BMP7: variants seen among roughly 807,000 people sequenced by gnomAD.
BMP7 encodes the protein bone morphogenetic protein 7.
Under a neutral mutation model 41.2 loss-of-function variants are expected in BMP7, and 12 were observed. That is an observed-to-expected ratio of 0.29 (90% CI 0.19 to 0.47). The LOEUF (loss-of-function observed/expected upper bound fraction) is 0.47, where lower values mean the gene tolerates loss of function less well. Among genes scored for constraint, BMP7 ranks in the 20% least tolerant of loss-of-function variants. The pLI, the probability that BMP7 is intolerant of heterozygous loss-of-function variation, is 0.99. For missense variants in BMP7, 467 were observed against 606.0 expected, an observed-to-expected ratio of 0.77 and a Z score of 2.41; for synonymous variants, 248 against 250.0, an observed-to-expected ratio of 0.99 and a Z score of 0.07.
Position 57,170,383 on chromosome 20 carries a change from T to C in BMP7, c.*576A>G. On this transcript the variant is annotated 3_prime_UTR_variant, in exon 7 of 7. Coordinates refer to ENST00000395863, the MANE Select transcript of BMP7 (RefSeq NM_001719.3). Reference sequence around the variant, plus strand: ...GCCTCAGGATGAAAACTGTAGGGAATGGAGAGGGACCTCCCCGCCCTCCAC... The same window carrying C: ...GCCTCAGGATGAAAACTGTAGGGAACGGAGAGGGACCTCCCCGCCCTCCAC... The C allele has an allele frequency of 5.4e-6, 1 of 186,676 alleles. No homozygotes were observed. Among genetic ancestry groups the C allele is most frequent in the South Asian group, 1.1e-4 (1 of 9,052 alleles). 11.6% of individuals were successfully genotyped at this position (186,676 alleles called of 1,614,324 possible).
intron 2 of BMP7, 118 bp from the exon 3 acceptor site, chr20:57,202,741 C>G: frequency 2.4e-6 from 3 of 1,244,186 alleles, no homozygotes; most frequent in Non-Finnish European, 3.3e-6. Flanking sequence ...TCCACTGGTC[C>G]CCGACAAGTG....
chr20:57,187,281 T>A (rs1048874789), intron 3 of BMP7: 1 of 152,254 alleles, frequency 6.6e-6, no homozygotes, highest in African/African-American at 2.4e-5. Flanking sequence ...AATTTCCTCA[T>A]CTGTAAAATG....
At chr20:57,265,496 C>T (rs2066173038) in intron 1 of BMP7, among the ~76,000 whole-genome samples, 1 of 152,244 alleles carries the variant, frequency 6.6e-6, no homozygotes, top group South Asian at 2.1e-4. Context: ...CCAGTAACCC[C>T]TACAGGCTCA....
At chr20:57,177,041 T>G (rs966662866) in intron 4 of BMP7, among the ~76,000 whole-genome samples, 1 of 152,186 alleles carries the variant, frequency 6.6e-6, no homozygotes. Flanking sequence ...TAGCCTCCCA[T>G]GGACCACACA....
chr20:57,216,016 A>G (rs1016809405), intron 2 of BMP7: 5 of 152,230 alleles, frequency 3.3e-5, no homozygotes. Context: ...TTGCAGACAG[A>G]AACAAGTGAC....
In BMP7 at chr20:57,196,262, A is replaced by G. The variant is rs189462880; in HGVS notation, c.760+6213T>C. Among the ~76,000 whole-genome samples the G allele has an allele frequency of 2.9e-3, 447 of 152,278 alleles. 4 individuals are homozygous for G. Among genetic ancestry groups the G allele is most frequent in the African/African-American group, 0.01 (432 of 41,538 alleles). ...GGCTTTGCGGGTAGAAGACGGCACA[A>G]GGAAAATGGGCGTATTGATTTGTAG... is the stretch of plus-strand genomic sequence containing the variant. On this transcript the variant is annotated intron_variant, in intron 3 of 6. Coordinates refer to ENST00000395863, the MANE Select transcript of BMP7 (RefSeq NM_001719.3).
intron 1 of BMP7, among the ~76,000 whole-genome samples, chr20:57,255,269 G>C (rs747398186): frequency 6.6e-6 from 1 of 152,092 alleles, no homozygotes; most frequent in Admixed American, 6.6e-5. Flanking sequence ...TGCATGTTTG[G>C]GCCCCTTCAG....
chr20:57,235,198 A>G (rs1047700427), intron 1 of BMP7, among the ~76,000 whole-genome samples: 2 of 152,238 alleles, frequency 1.3e-5, no homozygotes, highest in African/African-American at 4.8e-5. Context: ...TGGTCCATGC[A>G]TTCCCACTGC....
intron 2 of BMP7, among the ~76,000 whole-genome samples, chr20:57,202,880 A>C (rs563643479): frequency 6.6e-6 from 1 of 152,234 alleles, no homozygotes; most frequent in Non-Finnish European, 1.5e-5. Context: ...TCACCCCATA[A>C]ATTGTTAAGG....
Position 57,242,485 on chromosome 20 carries a change from A to G in BMP7, c.419-14064T>C, listed in dbSNP as rs1021634940. Among the ~76,000 whole-genome samples the G allele has an allele frequency of 6.6e-5, 10 of 152,278 alleles. No homozygotes were observed. The South Asian group carries it at 1.2e-3, about 19-fold the overall frequency. On this transcript the variant is annotated intron_variant, in intron 1 of 6. Transcript: ENST00000395863. ...CAAAGGAAAGGACTGAATTTCTCTGAAGTCCCTTTTCTCGCCTATTAGACT... is the reference window on the plus strand; with the variant it reads ...CAAAGGAAAGGACTGAATTTCTCTGGAGTCCCTTTTCTCGCCTATTAGACT...
chr20:57,244,220 C>T (rs2066080868), intron 1 of BMP7, among the ~76,000 whole-genome samples: 1 of 152,170 alleles, frequency 6.6e-6, no homozygotes, highest in Admixed American at 6.5e-5. Flanking sequence ...AACACATGCC[C>T]AGGTGATGGT....
At chr20:57,244,532 A>T (rs162322) in intron 1 of BMP7, among the ~76,000 whole-genome samples, 29,323 of 152,244 alleles carry the variant, frequency 0.19, 2,996 homozygotes, top group Admixed American at 0.25. Context: ...TGGGGCCTGG[A>T]GGTCTGGTTC....
intron 2 of BMP7, among the ~76,000 whole-genome samples, chr20:57,217,301 G>T (rs1003012322): frequency 3.9e-5 from 6 of 152,182 alleles, no homozygotes. Context: ...CACCTCAAGT[G>T]CCATCTTTAA....
intron 3 of BMP7, among the ~76,000 whole-genome samples, chr20:57,195,392 A>G (rs1984468161): frequency 6.6e-6 from 1 of 152,172 alleles, no homozygotes; most frequent in Non-Finnish European, 1.5e-5. Context: ...CCAAGTGACA[A>G]GTGAGAACTT....
At chr20:57,236,266 C>T (rs1252006619) in intron 1 of BMP7, among the ~76,000 whole-genome samples, 2 of 152,232 alleles carry the variant, frequency 1.3e-5, no homozygotes, top group Non-Finnish European at 2.9e-5. Flanking sequence ...ATGCTGCCCA[C>T]TGCCGGCCTG....
intron 5 of BMP7, 105 bp from the exon 6 acceptor site, chr20:57,173,415 G>T (rs1983854549): frequency 8.9e-7 from 1 of 1,121,976 alleles, no homozygotes; most frequent in Non-Finnish European, 1.3e-6. Flanking sequence ...ACGACCCAAG[G>T]TGGAAGCCTC....
rs116146573 is a variant in BMP7, at chr20:57,222,618, C to G, written c.611+5611G>C. ...CCAAGGCTCCTTGATGAGGGCTGCT[C>G]TCCTCTGACCTTCCAGGACATCCTG... On this transcript the variant is annotated intron_variant, in intron 2 of 6. Coordinates refer to ENST00000395863, the MANE Select transcript of BMP7 (RefSeq NM_001719.3). Among the ~76,000 whole-genome samples, 468 of 152,220 alleles carry G rather than the reference C, an allele frequency of 3.1e-3. 2 individuals carry two copies. Among genetic ancestry groups the G allele is most frequent in the African/African-American group, 0.011 (442 of 41,558 alleles).
chr20:57,242,198 AT>A (rs2123130790), intron 1 of BMP7, among the ~76,000 whole-genome samples: 1 of 152,284 alleles, frequency 6.6e-6, no homozygotes, highest in South Asian at 2.1e-4. Flanking sequence ...GTCTGGAGTC[AT>A]TTTTGGTTGT....
Position 57,202,640 on chromosome 20 carries a change from G to A in BMP7, c.612-17C>T, listed in dbSNP as rs1248640124. 1 of 1,556,110 alleles carries A rather than the reference G, an allele frequency of 6.4e-7. No individual in the cohort carries two copies. Among genetic ancestry groups the A allele is most frequent in the Non-Finnish European group, 8.7e-7 (1 of 1,145,950 alleles). The stretch of plus-strand genomic sequence containing the variant: ...TCCGATTCCCTGCGAGAGAGGAGGA[G>A]AGACACGGGCTTCGCGTTAGCCAGG... On this transcript the variant is annotated splice_polypyrimidine_tract_variant and intron_variant, in intron 2 of 6. Coordinates refer to ENST00000395863, the MANE Select transcript of BMP7 (RefSeq NM_001719.3).
Sources: gnomAD v4.1 joint callset for allele counts (sites outside exome capture counted in the v4.1 genomes callset) on GRCh38, gnomAD v4.1.1 for gene constraint, MANE v1.5 for transcripts, NCBI Gene and HGNC (gene_info 2026-07-23, HGNC 2026-07-21) for gene names.